The following TRDMT1 variants were observed in gnomAD, a reference collection of about 807,000 sequenced individuals.
The protein encoded by TRDMT1 is tRNA aspartic acid methyltransferase 1.
In TRDMT1, 49 loss-of-function variants were observed where a neutral mutation model predicts 51.2. The observed-to-expected ratio is 0.96, with a 90% CI of 0.76 to 1.21. TRDMT1 has a LOEUF of 1.21. Among genes scored for constraint, TRDMT1 ranks in the 50% most tolerant of loss-of-function variants. TRDMT1 has a pLI of 0.00. For missense variants in TRDMT1, 534 were observed against 462.3 expected, an observed-to-expected ratio of 1.16 and a Z score of -1.42; for synonymous variants, 187 against 164.6, an observed-to-expected ratio of 1.14 and a Z score of -1.04.
At chr10:17,193,130 G>A (rs892374900) in intron 1 of TRDMT1, among the ~76,000 whole-genome samples, 2 of 152,158 alleles carry the variant, frequency 1.3e-5, no homozygotes. Flanking sequence ...TTGGGAGGTT[G>A]GGGTGGGCTG....
chr10:17,193,379 G>C (rs1844962602), intron 1 of TRDMT1, among the ~76,000 whole-genome samples: 1 of 152,054 alleles, frequency 6.6e-6, no homozygotes, highest in Non-Finnish European at 1.5e-5. Flanking sequence ...TCTCTTTGCA[G>C]ATGATATTAT....
Position 17,140,037 on chromosome 10 carries a change from C to CTTTTTTTTTTTTTTTTT in TRDMT1, c.*8986_*9002dup. Among the ~76,000 whole-genome samples, 1 of 21,920 alleles carries CTTTTTTTTTTTTTTTTT rather than the reference C, an allele frequency of 4.6e-5. No homozygotes were observed. Among genetic ancestry groups the CTTTTTTTTTTTTTTTTT allele is most frequent in the African/African-American group, 1.9e-4 (1 of 5,356 alleles). The allele number at this position is 21,920 out of a possible 152,430, so 14.4% of individuals were successfully genotyped here. A position where few individuals can be genotyped will look rare whatever the true frequency, so the allele number is the denominator to read the frequency against. On this transcript the variant is annotated 3_prime_UTR_variant, in exon 11 of 11. Transcript: ENST00000377799. Reference sequence around the variant, plus strand: ...TATTCTTCCAGTAACATCTAGTGTGCTTTTTTTTTTTTTTTTTTTTTTTTT... The same window carrying CTTTTTTTTTTTTTTTTT: ...TATTCTTCCAGTAACATCTAGTGTGCTTTTTTTTTTTTTTTTTTTTTTTTTTTTTTTTTTTTTTTTTT...
rs766719817 is a variant in TRDMT1, at chr10:17,184,115, GAT to G, written c.65-9457_65-9456del. Among the ~76,000 whole-genome samples, 172 of 152,236 alleles carry G rather than the reference GAT, an allele frequency of 1.1e-3. 1 individual carries two copies. Among genetic ancestry groups the G allele is most frequent in the Non-Finnish European group, 2.1e-3 (140 of 67,990 alleles). On this transcript the variant is annotated intron_variant, in intron 1 of 10. Coordinates refer to ENST00000377799, the MANE Select transcript of TRDMT1 (RefSeq NM_004412.7). Reference sequence around the variant, plus strand: ...ATTCACATGCTTATAGAAGTCAAAAGATATAAACTACTTAAAAAGTCAAGAAA... The same window carrying G: ...ATTCACATGCTTATAGAAGTCAAAAGATAAACTACTTAAAAAGTCAAGAAA...
chr10:17,166,364 CTGTTGTGGGGTGGGGGGAGGGA>C, intron 3 of TRDMT1, among the ~76,000 whole-genome samples: 1 of 89,250 alleles, frequency 1.1e-5, no homozygotes, highest in Non-Finnish European at 2.0e-5. Flanking sequence ...ACACCGGGGC[CTGTTGTGGGGTGGGGGGAGGGA>C]GGAGGGATAG....
intron 1 of TRDMT1, among the ~76,000 whole-genome samples, chr10:17,197,170 C>T (rs1161822493): frequency 6.6e-6 from 1 of 151,774 alleles, no homozygotes; most frequent in Non-Finnish European, 1.5e-5. Context: ...TGGGTTGCAA[C>T]TAAGAACTAC....
chr10:17,143,434 G>A lies in TRDMT1; in HGVS notation c.*5606C>T. ...ATAGGATCAGCTCTTAAATATGAAA[G>A]TCAACTCATTTCTACTACACAAGGA... is the stretch of plus-strand genomic sequence containing the variant. On this transcript the variant is annotated 3_prime_UTR_variant, in exon 11 of 11. Coordinates refer to ENST00000377799, the MANE Select transcript of TRDMT1 (RefSeq NM_004412.7). 1.0e-6 allele frequency: 1 copy of A among 985,396 alleles called. No individual in the cohort carries two copies. Among genetic ancestry groups the A allele is most frequent in the Non-Finnish European group, 1.2e-6 (1 of 829,926 alleles). 61.0% of individuals were successfully genotyped at this position (985,396 alleles called of 1,614,324 possible).
chr10:17,159,294 C>T, intron 6 of TRDMT1, 65 bp from the exon 7 acceptor site: 2 of 1,148,170 alleles, frequency 1.7e-6, no homozygotes, highest in Non-Finnish European at 1.2e-6. Flanking sequence ...AACTTTAGCA[C>T]CAAGTTAAAC....
chr10:17,186,826 A>T (rs939107443), intron 1 of TRDMT1, among the ~76,000 whole-genome samples: 32 of 152,228 alleles, frequency 2.1e-4, no homozygotes, highest in Admixed American at 3.9e-4. Flanking sequence ...GTACTTTCAT[A>T]AAGTGGAGTA....
chr10:17,197,693 A>G (rs566267599), intron 1 of TRDMT1, among the ~76,000 whole-genome samples: 2 of 152,308 alleles, frequency 1.3e-5, no homozygotes, highest in East Asian at 3.9e-4. Flanking sequence ...CCTTGAACAG[A>G]CACTTCTCTG....
rs1380722048 is a variant in TRDMT1 at position 17,145,426 on chromosome 10, G to A, written c.*3614C>T. 2.0e-6 allele frequency: 2 copies of A among 985,276 alleles called. No homozygotes were observed. Among genetic ancestry groups the A allele is most frequent in the Middle Eastern group, 5.2e-4 (1 of 1,936 alleles). The allele number at this position is 985,276 out of a possible 1,614,324, so 61.0% of individuals were successfully genotyped here. On this transcript the variant is annotated 3_prime_UTR_variant, in exon 11 of 11. Coordinates refer to ENST00000377799, the MANE Select transcript of TRDMT1 (RefSeq NM_004412.7). ...AATGGTAGATGGAAGAGATTAACTA[G>A]TAGACAGAGGTCCAAAGGCCATGTC...
chr10:17,157,637 T>C lies in TRDMT1; in HGVS notation c.691A>G (p.Lys231Glu). 6.2e-7 allele frequency: 1 copy of C among 1,613,784 alleles called. No individual in the cohort carries two copies. Among genetic ancestry groups the C allele is most frequent in the Non-Finnish European group, 8.5e-7 (1 of 1,179,836 alleles). Residue 231 changes from lysine to glutamate, a missense_variant, in exon 8 of 11, where the codon AAG (lysine) becomes GAG (glutamate). Coordinates refer to ENST00000377799, the MANE Select transcript of TRDMT1 (RefSeq NM_004412.7). ...TGAATTTCTTCTGCAGTTTCAAGCT[T>C]AAAAAGAATGGCATCTTTTCCAGAA... ...QCSGKDAILF[K>E]LETAEEIHRK... is the part of the protein sequence containing the mutation.
rs1215543434 is a variant in TRDMT1, at chr10:17,148,924, G to C, written c.*116C>G. The C allele has an allele frequency of 3.0e-6, 4 of 1,353,852 alleles. No homozygotes were observed. Among genetic ancestry groups the C allele is most frequent in the African/African-American group, 3.0e-5 (2 of 67,462 alleles). 83.9% of individuals were successfully genotyped at this position (1,353,852 alleles called of 1,614,324 possible). ...AATAAAATCCAAATTTCTTAATAAG[G>C]ACAGATTAAAATAATTTAGTTAAAT... On this transcript the variant is annotated 3_prime_UTR_variant, in exon 11 of 11. Coordinates refer to ENST00000377799, the MANE Select transcript of TRDMT1 (RefSeq NM_004412.7).
intron 5 of TRDMT1, among the ~76,000 whole-genome samples, chr10:17,160,632 G>A (rs970178733): frequency 2.0e-5 from 3 of 151,920 alleles, no homozygotes; most frequent in African/African-American, 7.3e-5. Flanking sequence ...CACCACGCCT[G>A]GCTAATTTTT....
At position 17,201,628 on chromosome 10, in the gene TRDMT1, G is replaced by A; in HGVS notation, c.7C>T (p.Pro3Ser). 2 of 1,543,812 alleles carry A rather than the reference G, an allele frequency of 1.3e-6. No individual in the cohort carries two copies. The highest frequency in any genetic ancestry group is 1.2e-5 in the South Asian group (1 of 83,642). Residue 3 changes from proline (P) to serine (S), a missense_variant, in exon 1 of 11, where the codon CCC becomes TCC. Pro to Ser is a moderately conservative substitution (Grantham distance 74). Transcript: ENST00000377799. MEPLRVLELYSGV... is the reference protein window; with the variant it reads MESLRVLELYSGV... ...CTGTATAGCTCCAGCACCCGCAGGGGCTCCATCCCCGCGCCTCAGCCGCCG... is the reference window on the plus strand; with the variant it reads ...CTGTATAGCTCCAGCACCCGCAGGGACTCCATCCCCGCGCCTCAGCCGCCG...
At chr10:17,180,052 C>T (rs1337589820) in intron 1 of TRDMT1, among the ~76,000 whole-genome samples, 1 of 152,178 alleles carries the variant, frequency 6.6e-6, no homozygotes, top group Non-Finnish European at 1.5e-5. Flanking sequence ...TTCAGATCAT[C>T]TTTTACTACC....
chr10:17,199,142 A>G lies in TRDMT1; in HGVS notation c.64+2429T>C, dbSNP rs1845828269. Among the ~76,000 whole-genome samples the G allele has an allele frequency of 2.6e-5, 4 of 152,258 alleles. 1 individual carries two copies. In the South Asian group the frequency reaches 8.3e-4, roughly 32 times the overall value. The stretch of plus-strand genomic sequence containing the variant: ...CACCTGGAAAGGAGCAATGCATTTT[A>G]TTACAGGTAAATTTTAAACTTTAGT... On this transcript the variant is annotated intron_variant, in intron 1 of 10. Coordinates refer to ENST00000377799, the MANE Select transcript of TRDMT1 (RefSeq NM_004412.7).
At chr10:17,183,887 T>C (rs1158349020) in intron 1 of TRDMT1, among the ~76,000 whole-genome samples, 4 of 152,208 alleles carry the variant, frequency 2.6e-5, no homozygotes, top group Non-Finnish European at 2.9e-5. Context: ...CCAATTGTGC[T>C]GTGACCTGTC....
At chr10:17,170,207 AT>A (rs1258000314) in intron 2 of TRDMT1, among the ~76,000 whole-genome samples, 4 of 152,154 alleles carry the variant, frequency 2.6e-5, no homozygotes, top group South Asian at 2.1e-4. Flanking sequence ...GAAAATAGTG[AT>A]TTTTTTAATA....
Position 17,147,055 on chromosome 10 carries a change from T to C in TRDMT1, c.*1985A>G, listed in dbSNP as rs1268564960. 2 of 985,628 alleles carry C rather than the reference T, an allele frequency of 2.0e-6. No homozygotes were observed. Among genetic ancestry groups the C allele is most frequent in the East Asian group, 2.3e-4 (2 of 8,830 alleles). The allele number at this position is 985,628 out of a possible 1,614,324, so 61.1% of individuals were successfully genotyped here. On this transcript the variant is annotated 3_prime_UTR_variant, in exon 11 of 11. Coordinates refer to ENST00000377799, the MANE Select transcript of TRDMT1 (RefSeq NM_004412.7). ...CTACAGACCTTTCAAGTATTTATAG[T>C]TGGTGCACAGTAACTCGACACTTAT...
Sources: gnomAD v4.1 joint callset for allele counts (sites outside exome capture counted in the v4.1 genomes callset) on GRCh38, gnomAD v4.1.1 for gene constraint, MANE v1.5 for transcripts, NCBI Gene and HGNC (gene_info 2026-07-23, HGNC 2026-07-21) for gene names.